The following PCBP3 variants were observed in gnomAD, a reference collection of about 807,000 sequenced individuals.
PCBP3 encodes poly(rC)-binding protein 3.
In PCBP3, 25 loss-of-function variants were observed where a neutral mutation model predicts 52.7. That is an observed-to-expected ratio of 0.47 (90% CI 0.35 to 0.66). The LOEUF is 0.66. PCBP3 is among the 30% of genes least tolerant of loss of function. The pLI is 0.01. For synonymous variants in PCBP3, 162 were observed against 183.0 expected (o/e 0.89, Z 0.93); for missense variants, 391 against 490.3 (o/e 0.80, Z 1.91).
Position 45,831,912 on chromosome 21 carries a change from T to C in PCBP3, c.-125-18049T>C, listed in dbSNP as rs1431508044. Among the ~76,000 whole-genome samples, 10 of 152,264 alleles carry C rather than the reference T, an allele frequency of 6.6e-5. No individual in the cohort carries two copies. In the East Asian group the frequency reaches 1.5e-3, roughly 24 times the overall value. On this transcript the variant is annotated intron_variant, in intron 4 of 17. Transcript: ENST00000681687. ...TTTTAGTAGAGACAGGATTTCATAA[T>C]GTTGGCCAGGATGGTCTCGAATTCC...
At chr21:45,856,589 G>GC (rs199704582) in intron 5 of PCBP3, among the ~76,000 whole-genome samples, 1,744 of 151,600 alleles carry the variant, frequency 0.012, 23 homozygotes, top group African/African-American at 0.039. Context: ...TGTGTGGCAC[G>GC]CCCCCCCCAC....
chr21:45,861,678 G>C (rs1197057519), intron 5 of PCBP3, among the ~76,000 whole-genome samples: 1 of 152,208 alleles, frequency 6.6e-6, no homozygotes, highest in East Asian at 1.9e-4. Flanking sequence ...ACCGAGGGCA[G>C]AGCCTGCCCA....
intron 6 of PCBP3, among the ~76,000 whole-genome samples, 162 bp from the exon 7 acceptor site, chr21:45,899,437 C>A (rs2095962034): frequency 6.6e-6 from 1 of 151,998 alleles, no homozygotes; most frequent in Admixed American, 6.5e-5. Context: ...ACACACCCCT[C>A]CCCACCAGCA....
intron 2 of PCBP3, among the ~76,000 whole-genome samples, chr21:45,703,937 A>G (rs1278501674): frequency 2.6e-5 from 4 of 152,256 alleles, no homozygotes; most frequent in Middle Eastern, 3.4e-3. Context: ...GTGGATAGCA[A>G]TGGAATGTTA....
intron 2 of PCBP3, among the ~76,000 whole-genome samples, chr21:45,733,633 C>G (rs1048212983): frequency 6.6e-6 from 1 of 151,910 alleles, no homozygotes; most frequent in Non-Finnish European, 1.5e-5. Context: ...TGGAGTCTAG[C>G]TCTGTCACCC....
At chr21:45,935,525 G>T in intron 16 of PCBP3, 1 of 672,228 alleles carries the variant, frequency 1.5e-6, no homozygotes, top group Non-Finnish European at 2.7e-6. Context: ...TGTTGAACAA[G>T]CAACAGGCTA....
At chr21:45,824,818 G>A (rs1039349764) in intron 4 of PCBP3, among the ~76,000 whole-genome samples, 32 of 152,384 alleles carry the variant, frequency 2.1e-4, no homozygotes, top group African/African-American at 7.5e-4. Context: ...GACATAGATG[G>A]CCTGCATCTG....
At chr21:45,870,320 G>A (rs1299036334) in intron 5 of PCBP3, among the ~76,000 whole-genome samples, 1 of 152,194 alleles carries the variant, frequency 6.6e-6, no homozygotes, top group Non-Finnish European at 1.5e-5. Flanking sequence ...GACGCTGAAA[G>A]AAATGATTTG....
At chr21:45,722,830 C>T (rs1022029348) in intron 2 of PCBP3, among the ~76,000 whole-genome samples, 2 of 151,680 alleles carry the variant, frequency 1.3e-5, no homozygotes, top group Admixed American at 1.3e-4. Context: ...GGTGAAACAT[C>T]GTCTCTACTG....
intron 2 of PCBP3, among the ~76,000 whole-genome samples, chr21:45,681,384 T>C (rs1315559426): frequency 6.6e-6 from 1 of 152,236 alleles, no homozygotes; most frequent in Non-Finnish European, 1.5e-5. Context: ...TGGAGCAGTT[T>C]TCCATTCCTG....
chr21:45,899,484 G>T, intron 6 of PCBP3, 115 bp from the exon 7 acceptor site: 2 of 735,640 alleles, frequency 2.7e-6, no homozygotes, highest in Non-Finnish European at 2.4e-6. Flanking sequence ...ACACCGGGAA[G>T]GTCCCTTCTG....
At chr21:45,855,005 C>T (rs1378259326) in intron 5 of PCBP3, among the ~76,000 whole-genome samples, 1 of 152,228 alleles carries the variant, frequency 6.6e-6, no homozygotes, top group Non-Finnish European at 1.5e-5. Flanking sequence ...GGAGGAGCCT[C>T]TCGGAACAGC....
At chr21:45,781,337 C>G (rs2090623039) in intron 4 of PCBP3, among the ~76,000 whole-genome samples, 1 of 152,102 alleles carries the variant, frequency 6.6e-6, no homozygotes, top group African/African-American at 2.4e-5. Flanking sequence ...AAATAAAGAA[C>G]AAACAAAAAT....
At chr21:45,810,423 T>G (rs1047806955) in intron 4 of PCBP3, among the ~76,000 whole-genome samples, 1 of 147,142 alleles carries the variant, frequency 6.8e-6, no homozygotes, top group Non-Finnish European at 1.5e-5. Flanking sequence ...CCATCATGCC[T>G]GGCTAATTTT....
chr21:45,849,013 T>A (rs1041772463), intron 4 of PCBP3, among the ~76,000 whole-genome samples: 1 of 152,224 alleles, frequency 6.6e-6, no homozygotes, highest in African/African-American at 2.4e-5. Flanking sequence ...CTTTGTCCAA[T>A]AGCATCCTTT....
At chr21:45,703,452 A>C (rs899745089) in intron 2 of PCBP3, among the ~76,000 whole-genome samples, 6 of 152,198 alleles carry the variant, frequency 3.9e-5, no homozygotes, top group Admixed American at 3.9e-4. Flanking sequence ...GCACATCTCC[A>C]TCAGAGCTCT....
At position 45,928,290 on chromosome 21, in the gene PCBP3, G is replaced by A. The variant is rs772133275; in HGVS notation, c.718-1627G>A. Reference sequence around the variant, plus strand: ...TCCCCTCAGATAACCCGGCACACCCGTTCACGTTACATCATGGGGCAGCGC... The same window carrying A: ...TCCCCTCAGATAACCCGGCACACCCATTCACGTTACATCATGGGGCAGCGC... On this transcript the variant is annotated intron_variant, in intron 13 of 17. Transcript: ENST00000681687. This position sits in a 1 kb window ranked among gnomAD's most constrained non-coding sequence, Gnocchi z 4.1. Among the ~76,000 whole-genome samples, 11 of 152,292 alleles carry A rather than the reference G, an allele frequency of 7.2e-5. No homozygotes were observed. Among genetic ancestry groups the A allele is most frequent in the East Asian group, 1.9e-4 (1 of 5,168 alleles).
intron 3 of PCBP3, among the ~76,000 whole-genome samples, chr21:45,739,167 G>C (rs2086161654): frequency 8.6e-6 from 1 of 116,326 alleles, no homozygotes; most frequent in Non-Finnish European, 1.7e-5. Flanking sequence ...TGTCCTCTGG[G>C]TGGCCCTCCC....
chr21:45,917,429 T>A lies in PCBP3; in HGVS notation c.676-159T>A. The stretch of plus-strand genomic sequence containing the variant: ...GGCTCCCCTGGGGCTCCTGGTGCCC[T>A]GGGAGGGTTGGCCCTTTGTCCTAGG... On this transcript the variant is annotated intron_variant, in intron 12 of 17. Coordinates refer to ENST00000681687, the MANE Select transcript of PCBP3 (RefSeq NM_001384156.1). The surrounding 1 kb of genome is among the most constrained non-coding windows in gnomAD (Gnocchi z 5.3). 3 of 445,496 alleles carry A rather than the reference T, an allele frequency of 6.7e-6. No homozygotes were observed. The highest frequency in any genetic ancestry group is 1.3e-5 in the Non-Finnish European group (3 of 237,734). The allele number at this position is 445,496 out of a possible 1,614,324, so 27.6% of individuals were successfully genotyped here. A position where few individuals can be genotyped will look rare whatever the true frequency, so the allele number is the denominator to read the frequency against.
Sources: gnomAD v4.1 joint callset for allele counts (sites outside exome capture counted in the v4.1 genomes callset) on GRCh38, gnomAD v4.1.1 for gene constraint, Gnocchi (gnomAD v3.1) non-coding constraint, MANE v1.5 for transcripts, NCBI Gene and HGNC (gene_info 2026-07-23, HGNC 2026-07-21) for gene names.